ANK2: variants seen among roughly 807,000 people sequenced by gnomAD.
ANK2 encodes the protein ankyrin 2, also known as ankyrin-2.
In ANK2, 83 loss-of-function variants were observed where a neutral mutation model predicts 360.5. The ratio of observed to expected loss-of-function variants is 0.23; its 90% confidence interval spans 0.19 to 0.28. The LOEUF (loss-of-function observed/expected upper bound fraction) is 0.28, where lower values mean the gene tolerates loss of function less well. Among genes scored for constraint, ANK2 ranks in the 10% least tolerant of loss-of-function variants. The pLI is 1.00. For missense variants in ANK2, 4,201 were observed against 4,795.7 expected, an observed-to-expected ratio of 0.88 and a Z score of 3.66; for synonymous variants, 1,740 against 1,759.5, an observed-to-expected ratio of 0.99 and a Z score of 0.28.
At chr4:112,778,270 A>G in the ANK2 span, among the ~76,000 whole-genome samples, 2 of 150,918 alleles carry the variant, frequency 1.3e-5, no homozygotes, top group African/African-American at 4.9e-5. Context: ...ACACCTGGCC[A>G]ATCCCAGTAT....
intron 22 of ANK2, among the ~76,000 whole-genome samples, chr4:113,301,502 C>G (rs1035185029): frequency 2.0e-5 from 3 of 152,008 alleles, no homozygotes; most frequent in Non-Finnish European, 4.4e-5. Context: ...TTAAAATCTA[C>G]TCTCAGCAAT....
chr4:112,788,500 G>C, the ANK2 span: 2 of 1,582,404 alleles, frequency 1.3e-6, no homozygotes, highest in Admixed American at 3.4e-5. Context: ...TCTTGGTGGG[G>C]ACGTCCCCTT....
chr4:113,053,834 G>A (rs1379395957), intron 1 of ANK2, among the ~76,000 whole-genome samples: 1 of 152,124 alleles, frequency 6.6e-6, no homozygotes, highest in African/African-American at 2.4e-5. Context: ...CTGGTCTCAA[G>A]CAATTCTCTC....
At chr4:112,849,136 T>C (rs2064023245) in intron 1 of ANK2, among the ~76,000 whole-genome samples, 1 of 152,210 alleles carries the variant, frequency 6.6e-6, no homozygotes, top group Non-Finnish European at 1.5e-5. Context: ...AAAAGTGACA[T>C]GTAAGACAAA....
the ANK2 span, among the ~76,000 whole-genome samples, chr4:112,781,826 TA>T: frequency 1.5e-5 from 2 of 132,394 alleles, no homozygotes; most frequent in African/African-American, 5.6e-5. Flanking sequence ...GTGATAACAG[TA>T]TTTTTTTTTT....
chr4:113,323,363 TATC>T (rs1259987720), intron 26 of ANK2, among the ~76,000 whole-genome samples: 1 of 152,174 alleles, frequency 6.6e-6, no homozygotes, highest in African/African-American at 2.4e-5. Context: ...AAAAAGTTAT[TATC>T]ATTATTTTTA....
In ANK2 at chr4:113,382,130, G is replaced by A. The variant is rs896984743; in HGVS notation, c.*659G>A. 5.9e-6 allele frequency: 1 copy of A among 170,620 alleles called. No homozygotes were observed. The highest frequency in any genetic ancestry group is 1.3e-5 in the Non-Finnish European group (1 of 76,872). 10.6% of individuals were successfully genotyped at this position (170,620 alleles called of 1,614,324 possible). A position where few individuals can be genotyped will look rare whatever the true frequency, so the allele number is the denominator to read the frequency against. On this transcript the variant is annotated 3_prime_UTR_variant, in exon 46 of 46. Coordinates refer to ENST00000357077, the MANE Select transcript of ANK2 (RefSeq NM_001148.6). The stretch of plus-strand genomic sequence containing the variant: ...GGCCTCTAGAAATTGCTGAACAATG[G>A]TTAATTAAGATATTGCTAACACAAT...
chr4:113,326,731 G>A (rs111729958), intron 26 of ANK2, among the ~76,000 whole-genome samples: 2 of 152,262 alleles, frequency 1.3e-5, no homozygotes, highest in African/African-American at 4.8e-5. Flanking sequence ...GCCAGGCACA[G>A]TAGCTCATAC....
At chr4:113,268,827 C>G (rs1409701306) in intron 14 of ANK2, among the ~76,000 whole-genome samples, 1 of 152,088 alleles carries the variant, frequency 6.6e-6, no homozygotes, top group Non-Finnish European at 1.5e-5. Flanking sequence ...GGAATGGTAC[C>G]AGCTCCTCTT....
intron 9 of ANK2, among the ~76,000 whole-genome samples, chr4:113,246,568 T>C (rs1223671745): frequency 3.9e-5 from 6 of 152,184 alleles, no homozygotes; most frequent in Non-Finnish European, 8.8e-5. Context: ...AGCTTATTTA[T>C]TATTTAAATG....
chr4:113,317,656 A>G lies in ANK2; in HGVS notation c.2694-51A>G, dbSNP rs746413043. ...GCTCGGCTCATCATTTTGTCATCCC[A>G]ACCCTGCTACTGCTGTTGGTATATG... On this transcript the variant is annotated intron_variant, in intron 24 of 45. Coordinates refer to ENST00000357077, the MANE Select transcript of ANK2 (RefSeq NM_001148.6). 9 of 1,438,008 alleles carry G rather than the reference A, an allele frequency of 6.3e-6. No homozygotes were observed. In the African/African-American group the frequency reaches 1.3e-4, roughly 20 times the overall value. The allele number at this position is 1,438,008 out of a possible 1,614,324, so 89.1% of individuals were successfully genotyped here. A position where few individuals can be genotyped will look rare whatever the true frequency, so the allele number is the denominator to read the frequency against.
At chr4:113,371,891 A>G (rs1006997652) in intron 43 of ANK2, among the ~76,000 whole-genome samples, 34 of 152,198 alleles carry the variant, frequency 2.2e-4, no homozygotes, top group African/African-American at 8.0e-4. Context: ...CTCCTAAGGT[A>G]ATGTGTGCTA....
Position 113,367,656 on chromosome 4 carries a change from A to G in ANK2, c.11123A>G (p.His3708Arg), listed in dbSNP as rs777872966. 1.2e-6 allele frequency: 2 copies of G among 1,613,612 alleles called. No homozygotes were observed. Among genetic ancestry groups the G allele is most frequent in the Non-Finnish European group, 8.5e-7 (1 of 1,179,918 alleles). ...AVSKESETCD[H>R]PPIVSEEDIS... ...TCTAAAGAAAGTGAGACCTGCGATC[A>G]CCCTCCTATCGTCTCAGAGGAAGAC... Residue 3708 changes from histidine (H) to arginine (R), a missense_variant, in exon 42 of 46, where the codon CAC (histidine) becomes CGC (arginine). His to Arg is a conservative substitution (Grantham distance 29). Transcript: ENST00000357077.
chr4:112,861,868 A>AGAGAGAGAGAGAGAGAG (rs201880535), intron 1 of ANK2, among the ~76,000 whole-genome samples: 33 of 151,592 alleles, frequency 2.2e-4, no homozygotes, highest in African/African-American at 2.7e-4. Context: ...AGAGAGAGAG[A>AGAGAGAGAGAGAGAGAG]AACTCTCACA....
chr4:113,131,131 C>T (rs2154377924), intron 1 of ANK2, among the ~76,000 whole-genome samples: 1 of 152,286 alleles, frequency 6.6e-6, no homozygotes, highest in South Asian at 2.1e-4. Context: ...TACTAATCCT[C>T]CTGTTTTCAA....
At chr4:113,194,348 G>C (rs2098717291) in intron 2 of ANK2, among the ~76,000 whole-genome samples, 1 of 152,074 alleles carries the variant, frequency 6.6e-6, no homozygotes, top group South Asian at 2.1e-4. Flanking sequence ...ACACTCAAAT[G>C]GTTCCATGAA....
At chr4:112,827,256 A>G (rs954180415) in intron 1 of ANK2, 9 of 1,063,146 alleles carry the variant, frequency 8.5e-6, no homozygotes, top group African/African-American at 4.6e-5. Context: ...AAGAAAGAGA[A>G]ATGTTACTTA....
At chr4:112,901,973 C>T (rs1355648928) in intron 1 of ANK2, among the ~76,000 whole-genome samples, 1 of 152,070 alleles carries the variant, frequency 6.6e-6, no homozygotes, top group Non-Finnish European at 1.5e-5. Context: ...AATTGTGAAT[C>T]TGAAGGCAGC....
intron 2 of ANK2, among the ~76,000 whole-genome samples, chr4:112,957,937 C>T (rs951623263): frequency 4.0e-5 from 6 of 149,310 alleles, no homozygotes; most frequent in East Asian, 2.0e-4. Flanking sequence ...CAGGTAGAGG[C>T]GCTCCTCACA....
Sources: gnomAD v4.1 joint callset for allele counts (sites outside exome capture counted in the v4.1 genomes callset) on GRCh38, gnomAD v4.1.1 for gene constraint, MANE v1.5 for transcripts, NCBI Gene and HGNC (gene_info 2026-07-23, HGNC 2026-07-21) for gene names.